Variants in DCC observed in about 807,000 individuals in gnomAD.
DCC encodes the protein DCC netrin 1 receptor.
A neutral mutation model predicts 172.5 loss-of-function variants in DCC; 58 were observed. That is an observed-to-expected ratio of 0.34 (90% CI 0.27 to 0.42). DCC has a LOEUF of 0.42. DCC is among the 10% of genes least tolerant of loss of function. The pLI, the probability that DCC is intolerant of heterozygous loss-of-function variation, is 1.00. For synonymous variants in DCC, 709 were observed against 644.5 expected (o/e 1.10, Z -1.52); for missense variants, 1,740 against 1,791.0 (o/e 0.97, Z 0.51).
At chr18:53,081,224 GT>G (rs1037064382) in intron 7 of DCC, among the ~76,000 whole-genome samples, 7 of 151,842 alleles carry the variant, frequency 4.6e-5, no homozygotes, top group Admixed American at 4.6e-4. Flanking sequence ...AGACTAAATA[GT>G]TTAATATGGA....
intron 2 of DCC, among the ~76,000 whole-genome samples, chr18:52,813,965 A>G (rs1237602865): frequency 1.3e-5 from 2 of 152,230 alleles, no homozygotes; most frequent in Admixed American, 6.5e-5. Flanking sequence ...GAAACTACAC[A>G]TAGGCTCTCC....
intron 12 of DCC, among the ~76,000 whole-genome samples, chr18:53,267,761 C>A (rs562557485): frequency 6.6e-6 from 1 of 152,230 alleles, no homozygotes; most frequent in South Asian, 2.1e-4. Flanking sequence ...CCAATGTGCC[C>A]GGCCACATAT....
intron 5 of DCC, among the ~76,000 whole-genome samples, chr18:53,003,914 G>A (rs1352511301): frequency 6.6e-6 from 1 of 152,060 alleles, no homozygotes; most frequent in African/African-American, 2.4e-5. Context: ...GGTCTACAAG[G>A]TGTATCAGGC....
At chr18:52,997,425 A>T (rs1443888131) in intron 5 of DCC, among the ~76,000 whole-genome samples, 1 of 152,140 alleles carries the variant, frequency 6.6e-6, no homozygotes, top group African/African-American at 2.4e-5. Context: ...TATGGTTTGA[A>T]ATTACCTAGA....
intron 1 of DCC, among the ~76,000 whole-genome samples, chr18:52,630,464 A>G (rs11877254): frequency 0.42 from 64,335 of 152,082 alleles, 13,800 homozygotes; most frequent in South Asian, 0.53. Flanking sequence ...AGTAGGAATA[A>G]CAATAGTATT....
At chr18:53,292,616 G>C (rs996605344) in intron 12 of DCC, among the ~76,000 whole-genome samples, 4 of 152,198 alleles carry the variant, frequency 2.6e-5, no homozygotes, top group Admixed American at 2.0e-4. Context: ...TTGAACCCGG[G>C]AGGTGGAGCT....
chr18:52,654,838 T>A (rs2035214538), intron 1 of DCC, among the ~76,000 whole-genome samples: 1 of 152,126 alleles, frequency 6.6e-6, no homozygotes, highest in South Asian at 2.1e-4. Flanking sequence ...GCATGATAGT[T>A]CCTTCAATAA....
intron 26 of DCC, among the ~76,000 whole-genome samples, chr18:53,497,271 T>C (rs2046036066): frequency 6.6e-6 from 1 of 152,192 alleles, no homozygotes; most frequent in African/African-American, 2.4e-5. Context: ...AATTACAAAC[T>C]CTTTCTGATG....
chr18:52,772,826 A>C (rs1238175587), intron 2 of DCC, among the ~76,000 whole-genome samples: 1 of 152,186 alleles, frequency 6.6e-6, no homozygotes, highest in Non-Finnish European at 1.5e-5. Flanking sequence ...CTTGCCTCTA[A>C]AAGTTGAAGT....
chr18:53,044,068 C>T (rs142967515), intron 5 of DCC, among the ~76,000 whole-genome samples: 23 of 151,886 alleles, frequency 1.5e-4, no homozygotes, highest in African/African-American at 4.3e-4. Context: ...TACTAATATC[C>T]GGATTATTGA....
intron 1 of DCC, among the ~76,000 whole-genome samples, chr18:52,502,884 T>C (rs1568201545): frequency 6.6e-6 from 1 of 152,350 alleles, no homozygotes; most frequent in East Asian, 1.9e-4. Context: ...AAAACATTTA[T>C]TTTGCAGTTC....
At chr18:52,781,225 G>A (rs371302989) in intron 2 of DCC, among the ~76,000 whole-genome samples, 135 of 152,096 alleles carry the variant, frequency 8.9e-4, no homozygotes, top group African/African-American at 3.2e-3. Flanking sequence ...TTCCTTCCCC[G>A]CAACCCCTGC....
chr18:52,928,781 T>A lies in DCC; in HGVS notation c.985+3411T>A, dbSNP rs572527514. ...AGTAAGGCATAGGGTAAGTCAAACA[T>A]CACCTTAATTTGTTGAAGAAGCTGC... On this transcript the variant is annotated intron_variant, in intron 5 of 28. Transcript: ENST00000442544. 2.0e-5 allele frequency among the ~76,000 whole-genome samples: 3 copies of A among 152,246 alleles called. No individual in the cohort carries two copies. In the South Asian group the frequency reaches 6.2e-4, roughly 32 times the overall value.
intron 12 of DCC, among the ~76,000 whole-genome samples, chr18:53,270,507 G>A (rs762998170): frequency 6.6e-6 from 1 of 152,020 alleles, no homozygotes; most frequent in Non-Finnish European, 1.5e-5. Context: ...TTAAAATGAC[G>A]GTTTTGGAAA....
At chr18:53,480,870 G>C (rs1260484112) in intron 25 of DCC, 6 of 152,184 alleles carry the variant, frequency 3.9e-5, no homozygotes, top group Admixed American at 3.9e-4. Context: ...AATAGTATCT[G>C]AGAATCAGGT....
At chr18:52,921,936 G>T (rs908769999) in intron 3 of DCC, among the ~76,000 whole-genome samples, 1 of 151,838 alleles carries the variant, frequency 6.6e-6, no homozygotes, top group Non-Finnish European at 1.5e-5. Flanking sequence ...ATATTCAAAT[G>T]CATAGGCCTC....
At chr18:53,475,036 C>T (rs561226654) in intron 25 of DCC, among the ~76,000 whole-genome samples, 5 of 152,170 alleles carry the variant, frequency 3.3e-5, no homozygotes, top group Non-Finnish European at 5.9e-5. Flanking sequence ...AGCAAAGAGA[C>T]TGGGGGCATT....
At chr18:53,171,767 G>T (rs1167404029) in intron 8 of DCC, among the ~76,000 whole-genome samples, 2 of 150,900 alleles carry the variant, frequency 1.3e-5, no homozygotes, top group Admixed American at 1.3e-4. Flanking sequence ...GCAAACATAT[G>T]AAAAAACTGC....
intron 7 of DCC, among the ~76,000 whole-genome samples, chr18:53,126,606 C>T (rs2043561026): frequency 6.6e-6 from 1 of 152,088 alleles, no homozygotes; most frequent in Non-Finnish European, 1.5e-5. Flanking sequence ...TTATGAATCT[C>T]ATTTGACTGT....
Sources: allele counts gnomAD v4.1 joint callset (sites outside exome capture counted in the v4.1 genomes callset), GRCh38; gene constraint gnomAD v4.1.1; transcripts MANE v1.5; gene names NCBI Gene and HGNC (gene_info 2026-07-23, HGNC 2026-07-21).